DLC1: variants seen among roughly 807,000 people sequenced by gnomAD.
DLC1 encodes rho GTPase-activating protein 7.
In DLC1, 54 loss-of-function variants were observed where a neutral mutation model predicts 140.3. That is an observed-to-expected ratio of 0.38 (90% CI 0.31 to 0.48). DLC1 has a LOEUF of 0.48. Among genes scored for constraint, DLC1 ranks in the 20% least tolerant of loss-of-function variants. The pLI, the probability that DLC1 is intolerant of heterozygous loss-of-function variation, is 0.96. For missense variants in DLC1, 2,536 were observed against 1,907.0 expected, an observed-to-expected ratio of 1.33 and a Z score of -6.14; for synonymous variants, 986 against 728.1, an observed-to-expected ratio of 1.35 and a Z score of -5.70.
chr8:13,380,465 G>T (rs1316075852), intron 4 of DLC1, among the ~76,000 whole-genome samples: 1 of 152,078 alleles, frequency 6.6e-6, no homozygotes, highest in Non-Finnish European at 1.5e-5. Flanking sequence ...ACCTTTTTGT[G>T]GATATAAACT....
At chr8:13,140,643 G>T (rs1274437870) in intron 5 of DLC1, among the ~76,000 whole-genome samples, 1 of 151,732 alleles carries the variant, frequency 6.6e-6, no homozygotes, top group African/African-American at 2.4e-5. Flanking sequence ...ATTTTTACTA[G>T]TATGTCATCT....
intron 2 of DLC1, among the ~76,000 whole-genome samples, chr8:13,493,417 T>A (rs1290771754): frequency 3.9e-5 from 6 of 152,184 alleles, no homozygotes; most frequent in Admixed American, 3.9e-4. Context: ...TAATTAAAAA[T>A]TTTTCAGTTG....
At chr8:13,589,524 C>T (rs1026754469) in intron 1 of DLC1, among the ~76,000 whole-genome samples, 1 of 151,988 alleles carries the variant, frequency 6.6e-6, no homozygotes, top group Non-Finnish European at 1.5e-5. Context: ...ACGCAGAATC[C>T]ACTGAAAATT....
At chr8:13,491,175 C>T (rs1801223473) in intron 2 of DLC1, among the ~76,000 whole-genome samples, 1 of 150,750 alleles carries the variant, frequency 6.6e-6, no homozygotes, top group South Asian at 2.1e-4. Context: ...GCAAATCTCC[C>T]AACTTTATGT....
Position 13,085,628 on chromosome 8 carries a change from T to G in DLC1, c.*183A>C. ...ACATATTCCAGTCAAGGTCTATGAA[T>G]ACAGACCCTCAACAAACAGGAAGCA... On this transcript the variant is annotated 3_prime_UTR_variant, in exon 18 of 18. Transcript: ENST00000276297. 1 of 806,040 alleles carries G rather than the reference T, an allele frequency of 1.2e-6. No homozygotes were observed. The highest frequency in any genetic ancestry group is 1.8e-6 in the Non-Finnish European group (1 of 545,432). The allele number at this position is 806,040 out of a possible 1,614,324, so 49.9% of individuals were successfully genotyped here. A position where few individuals can be genotyped will look rare whatever the true frequency, so the allele number is the denominator to read the frequency against.
intron 2 of DLC1, among the ~76,000 whole-genome samples, chr8:13,453,517 T>TATATATATGTATATATATAC (rs1166906258): frequency 1.9e-4 from 5 of 26,532 alleles, no homozygotes; most frequent in South Asian, 1.2e-3. Flanking sequence ...TATATATACA[T>TATATATATGTATATATATAC]ATATATATAT....
At chr8:13,585,644 A>T (rs1805279020) in intron 1 of DLC1, among the ~76,000 whole-genome samples, 1 of 152,118 alleles carries the variant, frequency 6.6e-6, no homozygotes, top group African/African-American at 2.4e-5. Flanking sequence ...GTTCCTTGTG[A>T]GGGCTGTGAG....
chr8:13,432,524 G>T (rs1364209102), intron 2 of DLC1, among the ~76,000 whole-genome samples: 1 of 152,154 alleles, frequency 6.6e-6, no homozygotes, highest in Non-Finnish European at 1.5e-5. Context: ...AACATCATTG[G>T]AGAAATATTA....
intron 1 of DLC1, among the ~76,000 whole-genome samples, chr8:13,579,361 A>ATATTTTT (rs1236395843): frequency 7.8e-5 from 2 of 25,486 alleles, no homozygotes; most frequent in African/African-American, 4.4e-4. Flanking sequence ...ATATATATAT[A>ATATTTTT]TTTTTATATA....
chr8:13,588,117 T>A (rs773897086), intron 1 of DLC1, among the ~76,000 whole-genome samples: 2 of 152,068 alleles, frequency 1.3e-5, no homozygotes, highest in Non-Finnish European at 2.9e-5. Flanking sequence ...GGAAGCACAG[T>A]CTGCAAGGAT....
At chr8:13,314,984 A>C (rs890754771) in intron 4 of DLC1, among the ~76,000 whole-genome samples, 2 of 152,184 alleles carry the variant, frequency 1.3e-5, no homozygotes, top group Non-Finnish European at 1.5e-5. Context: ...TATAGGTTTT[A>C]TTTTGGCTGA....
chr8:13,483,926 A>G (rs1385716434), intron 2 of DLC1, among the ~76,000 whole-genome samples: 1 of 151,760 alleles, frequency 6.6e-6, no homozygotes, highest in Non-Finnish European at 1.5e-5. Context: ...TACTAAAAGT[A>G]CAGAAAAAAG....
chr8:13,120,856 T>C lies in DLC1; in HGVS notation c.1349-5199A>G, dbSNP rs969293626. Among the ~76,000 whole-genome samples the C allele has an allele frequency of 4.6e-5, 7 of 152,170 alleles. 1 individual carries two copies. The highest frequency in any genetic ancestry group is 1.0e-4 in the Non-Finnish European group (7 of 68,024). ...ATTTCCTGGCATGACGGGATGATCC[T>C]GTCTTCCCATCACTCCTCAACAGTA... On this transcript the variant is annotated intron_variant, in intron 5 of 17. Transcript: ENST00000276297.
At chr8:13,195,281 A>G (rs201621472) in intron 5 of DLC1, among the ~76,000 whole-genome samples, 1 of 47,720 alleles carries the variant, frequency 2.1e-5, no homozygotes, top group South Asian at 8.0e-4. Flanking sequence ...TGAACTTGAC[A>G]AATGTATTTT....
chr8:13,261,739 C>G (rs905378843), intron 5 of DLC1, among the ~76,000 whole-genome samples: 4 of 151,890 alleles, frequency 2.6e-5, no homozygotes, highest in Non-Finnish European at 4.4e-5. Context: ...AGAGAGGAGA[C>G]AAAACTAACT....
chr8:13,291,125 T>C (rs1174054862), intron 5 of DLC1, among the ~76,000 whole-genome samples: 1 of 152,108 alleles, frequency 6.6e-6, no homozygotes, highest in East Asian at 1.9e-4. Flanking sequence ...GCCAGGCTGG[T>C]CTTGAACTCC....
chr8:13,580,103 C>T (rs1194651209), intron 1 of DLC1, among the ~76,000 whole-genome samples: 1 of 141,754 alleles, frequency 7.1e-6, no homozygotes, highest in East Asian at 2.1e-4. Context: ...TTATCAGCTT[C>T]TAATTTAAGT....
intron 5 of DLC1, among the ~76,000 whole-genome samples, chr8:13,256,828 G>A (rs775932982): frequency 1.7e-4 from 25 of 148,502 alleles, no homozygotes; most frequent in Admixed American, 6.1e-4. Flanking sequence ...ACCATGGCAC[G>A]TGTATACCTA....
At position 13,579,201 on chromosome 8, in the gene DLC1, C is replaced by T. The variant is rs867222366; in HGVS notation, c.-126+25336G>A. Among the ~76,000 whole-genome samples the T allele has an allele frequency of 5.6e-5, 7 of 124,630 alleles. No homozygotes were observed. In the East Asian group the frequency reaches 1.5e-3, roughly 26 times the overall value. The allele number at this position is 124,630 out of a possible 152,430, so 81.8% of individuals were successfully genotyped here. A position where few individuals can be genotyped will look rare whatever the true frequency, so the allele number is the denominator to read the frequency against. ...TTAGAACAAAAGAGTCTCCTAGCAC[C>T]GCCGCATAAAAGGTGTAAGGAGCTC... On this transcript the variant is annotated intron_variant, in intron 1 of 1. Transcript: ENST00000631382.
Sources: gnomAD v4.1 joint callset for allele counts (sites outside exome capture counted in the v4.1 genomes callset) on GRCh38, gnomAD v4.1.1 for gene constraint, MANE v1.5 for transcripts, NCBI Gene and HGNC (gene_info 2026-07-23, HGNC 2026-07-21) for gene names.